MAML3: variants seen among roughly 807,000 people sequenced by gnomAD.
The protein encoded by MAML3 is mastermind-like protein 3.
MAML3 carries 27 observed loss-of-function variants against 101.9 expected under a neutral mutation model. The ratio of observed to expected loss-of-function variants is 0.27; its 90% confidence interval spans 0.20 to 0.37. MAML3 has a LOEUF of 0.37. Ranked by LOEUF, MAML3 falls within the 10% of genes least tolerant of loss-of-function variation. The pLI, the probability that MAML3 is intolerant of heterozygous loss-of-function variation, is 1.00. For missense variants in MAML3, 1,316 were observed against 1,444.9 expected, an observed-to-expected ratio of 0.91 and a Z score of 1.45; for synonymous variants, 501 against 555.9, an observed-to-expected ratio of 0.90 and a Z score of 1.39.
intron 1 of MAML3, among the ~76,000 whole-genome samples, chr4:140,005,990 C>T (rs554387101): frequency 1.1e-4 from 17 of 152,258 alleles, no homozygotes; most frequent in African/African-American, 3.9e-4. Context: ...AGTTTTAAAG[C>T]ACCAGGTGGA....
rs10568513 is a variant in MAML3 at position 139,781,508 on chromosome 4, C to CATAT, written c.2080-50845_2080-50842dup. On this transcript the variant is annotated intron_variant, in intron 2 of 4. Transcript: ENST00000509479. Reference sequence around the variant, plus strand: ...TCTTCTAATGATCGCAGAGCATTTTCATATATATATATATATATATATAGT... The same window carrying CATAT: ...TCTTCTAATGATCGCAGAGCATTTTCATATATATATATATATATATATATATAGT... Among the ~76,000 whole-genome samples, 955 of 137,026 alleles carry CATAT rather than the reference C, an allele frequency of 7.0e-3. 17 individuals carry two copies. The highest frequency in any genetic ancestry group is 0.017 in the African/African-American group (660 of 38,234). The allele number at this position is 137,026 out of a possible 152,430, so 89.9% of individuals were successfully genotyped here. A position where few individuals can be genotyped will look rare whatever the true frequency, so the allele number is the denominator to read the frequency against.
At chr4:139,912,995 G>A (rs1176589001) in intron 1 of MAML3, among the ~76,000 whole-genome samples, 1 of 152,208 alleles carries the variant, frequency 6.6e-6, no homozygotes, top group Non-Finnish European at 1.5e-5. Flanking sequence ...CTATGCCAAG[G>A]CCAAAATGAG....
At chr4:139,770,378 C>G (rs1387072617) in intron 2 of MAML3, among the ~76,000 whole-genome samples, 2 of 152,218 alleles carry the variant, frequency 1.3e-5, no homozygotes. Flanking sequence ...AACCGTTGTT[C>G]CCATGGACAG....
chr4:139,919,099 G>C (rs561458261), intron 1 of MAML3, among the ~76,000 whole-genome samples: 4 of 152,090 alleles, frequency 2.6e-5, no homozygotes, highest in Non-Finnish European at 5.9e-5. Flanking sequence ...TTTCCTCTGA[G>C]GGCTCTCAGA....
chr4:139,945,963 A>G (rs951594751), intron 1 of MAML3, among the ~76,000 whole-genome samples: 2 of 152,246 alleles, frequency 1.3e-5, no homozygotes, highest in African/African-American at 4.8e-5. Context: ...TGCACTGCAC[A>G]CCTTCTCAGT....
At chr4:139,751,358 C>T (rs891629120) in intron 2 of MAML3, among the ~76,000 whole-genome samples, 1 of 152,128 alleles carries the variant, frequency 6.6e-6, no homozygotes, top group African/African-American at 2.4e-5. Flanking sequence ...AATGAGGTAT[C>T]TTGGGAATGG....
At chr4:140,110,174 A>T (rs904842321) in intron 1 of MAML3, among the ~76,000 whole-genome samples, 2 of 152,216 alleles carry the variant, frequency 1.3e-5, no homozygotes, top group African/African-American at 4.8e-5. Flanking sequence ...AAGATTTTTT[A>T]AAATTTGAGT....
At chr4:139,828,732 T>TA (rs529918429) in intron 2 of MAML3, among the ~76,000 whole-genome samples, 36 of 144,492 alleles carry the variant, frequency 2.5e-4, no homozygotes, top group Non-Finnish European at 4.7e-4. Flanking sequence ...TTTTTTTTTT[T>TA]AAAAACATAG....
intron 1 of MAML3, among the ~76,000 whole-genome samples, chr4:140,014,641 G>A (rs1353723053): frequency 6.6e-6 from 1 of 152,204 alleles, no homozygotes; most frequent in Non-Finnish European, 1.5e-5. Context: ...TTATATTGCT[G>A]GGTGACGTGG....
chr4:140,049,348 A>G (rs764098801), intron 1 of MAML3, among the ~76,000 whole-genome samples: 3 of 152,080 alleles, frequency 2.0e-5, no homozygotes, highest in African/African-American at 4.8e-5. Context: ...AGCTTTTACC[A>G]GCCTATGGGG....
intron 1 of MAML3, among the ~76,000 whole-genome samples, chr4:140,037,171 G>A (rs1425000670): frequency 6.7e-6 from 1 of 149,162 alleles, no homozygotes; most frequent in Non-Finnish European, 1.5e-5. Flanking sequence ...TGATGTTTTT[G>A]TTCCCAGAAA....
At chr4:139,981,524 A>G (rs1734444177) in intron 1 of MAML3, among the ~76,000 whole-genome samples, 1 of 152,226 alleles carries the variant, frequency 6.6e-6, no homozygotes, top group African/African-American at 2.4e-5. Flanking sequence ...GTCTTATATT[A>G]GCATGGTACA....
chr4:139,870,097 A>G (rs1352732164), intron 2 of MAML3, among the ~76,000 whole-genome samples: 2 of 152,250 alleles, frequency 1.3e-5, no homozygotes, highest in African/African-American at 2.4e-5. Flanking sequence ...GTCTTGGCAC[A>G]TAAAGCGCTC....
At chr4:140,031,935 G>A (rs1008807654) in intron 1 of MAML3, among the ~76,000 whole-genome samples, 15 of 152,096 alleles carry the variant, frequency 9.9e-5, no homozygotes, top group Non-Finnish European at 2.9e-5. Flanking sequence ...ACTCTTACTG[G>A]AAGCAACTTT....
At chr4:140,071,674 G>A (rs1437279295) in intron 1 of MAML3, among the ~76,000 whole-genome samples, 7 of 150,388 alleles carry the variant, frequency 4.7e-5, no homozygotes, top group Non-Finnish European at 1.0e-4. Flanking sequence ...AAAATCCACA[G>A]TGAAACGTAT....
chr4:139,929,238 T>C (rs904884467), intron 1 of MAML3, among the ~76,000 whole-genome samples: 2 of 152,214 alleles, frequency 1.3e-5, no homozygotes, highest in Admixed American at 6.5e-5. Context: ...TGTTACTTTT[T>C]AGCAGCACTG....
At chr4:139,930,987 G>A (rs1733382152) in intron 1 of MAML3, among the ~76,000 whole-genome samples, 1 of 152,128 alleles carries the variant, frequency 6.6e-6, no homozygotes, top group Non-Finnish European at 1.5e-5. Context: ...TAAAAAAAAG[G>A]GGTAACAGAT....
intron 1 of MAML3, among the ~76,000 whole-genome samples, chr4:140,008,802 C>T (rs1476939475): frequency 1.3e-5 from 2 of 152,196 alleles, no homozygotes; most frequent in Non-Finnish European, 2.9e-5. Flanking sequence ...CAACTGACTC[C>T]TTGCGATAAA....
intron 2 of MAML3, among the ~76,000 whole-genome samples, chr4:139,790,220 T>C (rs1275493922): frequency 7.1e-6 from 1 of 140,870 alleles, no homozygotes; most frequent in African/African-American, 2.7e-5. Flanking sequence ...TAGTGACATA[T>C]ATATATATAT....
Sources: allele counts gnomAD v4.1 joint callset (sites outside exome capture counted in the v4.1 genomes callset), GRCh38; gene constraint gnomAD v4.1.1; transcripts MANE v1.5; gene names NCBI Gene and HGNC (gene_info 2026-07-23, HGNC 2026-07-21).